Variants in HPF1 observed in about 807,000 individuals in gnomAD.
The protein encoded by HPF1 is UPF0609 protein C4orf27.
HPF1 carries 35 observed loss-of-function variants against 38.8 expected under a neutral mutation model. The ratio of observed to expected loss-of-function variants is 0.90; its 90% CI spans 0.69 to 1.19. The LOEUF (loss-of-function observed/expected upper bound fraction) is 1.19, where lower values mean the gene tolerates loss of function less well. Among genes scored for constraint, HPF1 ranks in the 50% most tolerant of loss-of-function variants. The pLI, the probability that HPF1 is intolerant of heterozygous loss-of-function variation, is 0.00. For missense variants in HPF1, 367 were observed against 405.8 expected (o/e 0.90, Z 0.82); for synonymous variants, 115 against 139.2 (o/e 0.83, Z 1.22).
chr4:169,741,576 G>T (rs1733969271), intron 5 of HPF1, among the ~76,000 whole-genome samples: 1 of 152,138 alleles, frequency 6.6e-6, no homozygotes, highest in African/African-American at 2.4e-5. Context: ...AAAGAAAGGA[G>T]CACTGCTTAT....
chr4:169,750,094 G>T (rs185851760), intron 3 of HPF1, among the ~76,000 whole-genome samples: 11 of 152,194 alleles, frequency 7.2e-5, no homozygotes, highest in African/African-American at 2.6e-4. Context: ...TTCCTATCAG[G>T]TATGTACAGT....
At chr4:169,748,504 G>A (rs1195955932) in intron 4 of HPF1, among the ~76,000 whole-genome samples, 1 of 151,936 alleles carries the variant, frequency 6.6e-6, no homozygotes, top group African/African-American at 2.4e-5. Context: ...CTGAGTAGCT[G>A]GGATTACAGG....
In HPF1 at chr4:169,731,706, G is replaced by A; in HGVS notation, c.907C>T (p.His303Tyr). ...LGMDLFCYGS[H>Y]YFHKVAGQLL... ...AGGTGGAGGGTTTTTTTACTCACAT[G>A]TGAGCCATAGCAAAAGAGATCCATT... The change falls in exon 7 of 8, where the codon CAT becomes TAT. Residue 303 changes from histidine to tyrosine, a missense_variant and splice_region_variant. By Grantham distance (83) the His-to-Tyr change is moderately conservative. Transcript: ENST00000393381. 6.5e-7 allele frequency: 1 copy of A among 1,537,944 alleles called. No homozygotes were observed. The highest frequency in any genetic ancestry group is 8.7e-7 in the Non-Finnish European group (1 of 1,149,192).
intron 2 of HPF1, among the ~76,000 whole-genome samples, chr4:169,751,402 CAA>C (rs55661737): frequency 3.1e-4 from 22 of 71,108 alleles, no homozygotes; most frequent in Admixed American, 5.1e-4. Context: ...GGCTCTGTCT[CAA>C]AAAAAAAAAA....
intron 7 of HPF1, among the ~76,000 whole-genome samples, chr4:169,730,646 A>T (rs4692741): frequency 0.96 from 146,543 of 152,266 alleles, 70,552 homozygotes; most frequent in East Asian, 0.99. Flanking sequence ...ACTGCCAGTG[A>T]GCGTTTGGAC....
intron 5 of HPF1, among the ~76,000 whole-genome samples, chr4:169,739,019 T>C (rs913286534): frequency 6.6e-6 from 1 of 152,032 alleles, no homozygotes; most frequent in Non-Finnish European, 1.5e-5. Flanking sequence ...GGGATAGCAT[T>C]AGGAGATATA....
intron 4 of HPF1, among the ~76,000 whole-genome samples, chr4:169,745,434 G>C (rs113470220): frequency 4.6e-5 from 7 of 152,140 alleles, no homozygotes; most frequent in Admixed American, 1.3e-4. Context: ...CTGGAAATGG[G>C]TGAGCTTTCT....
intron 1 of HPF1, among the ~76,000 whole-genome samples, chr4:169,754,328 C>G (rs535958903): frequency 1.1e-4 from 17 of 152,260 alleles, no homozygotes; most frequent in African/African-American, 3.9e-4. Flanking sequence ...AAACAGATAC[C>G]TCCCTTTTGA....
intron 3 of HPF1, among the ~76,000 whole-genome samples, chr4:169,749,431 T>C (rs1734090225): frequency 6.6e-6 from 1 of 152,174 alleles, no homozygotes; most frequent in Non-Finnish European, 1.5e-5. Context: ...ATAGGATGAT[T>C]ACATTGTAGT....
At chr4:169,744,502 C>T (rs537019121) in intron 4 of HPF1, among the ~76,000 whole-genome samples, 77 of 152,292 alleles carry the variant, frequency 5.1e-4, no homozygotes, top group Non-Finnish European at 7.6e-4. Context: ...GACTTTAAAT[C>T]CATTAGAATG....
chr4:169,742,227 A>T, intron 4 of HPF1, 120 bp from the exon 5 acceptor site: 1 of 763,374 alleles, frequency 1.3e-6, no homozygotes, highest in Non-Finnish European at 2.1e-6. Flanking sequence ...CCACAGAATA[A>T]TTACCAACAC....
chr4:169,750,933 C>T (rs1341835713), intron 2 of HPF1, among the ~76,000 whole-genome samples: 1 of 152,204 alleles, frequency 6.6e-6, no homozygotes, highest in African/African-American at 2.4e-5. Flanking sequence ...AGGATTTCCT[C>T]TTAAATTTAC....
chr4:169,744,578 T>C (rs577684705), intron 4 of HPF1, among the ~76,000 whole-genome samples: 3 of 152,326 alleles, frequency 2.0e-5, no homozygotes, highest in South Asian at 2.1e-4. Context: ...CCTTTGGAAA[T>C]AGTGGTTTAC....
chr4:169,734,000 G>A (rs993445991), intron 6 of HPF1, among the ~76,000 whole-genome samples: 8 of 152,012 alleles, frequency 5.3e-5, no homozygotes, highest in African/African-American at 9.7e-5. Flanking sequence ...CTTGACGACA[G>A]TACAGAATAC....
At chr4:169,740,026 TAAG>T (rs1733950626) in intron 5 of HPF1, among the ~76,000 whole-genome samples, 2 of 152,120 alleles carry the variant, frequency 1.3e-5, no homozygotes, top group Non-Finnish European at 2.9e-5. Context: ...ATTAAGAAAT[TAAG>T]AAGAATAAGA....
intron 5 of HPF1, among the ~76,000 whole-genome samples, chr4:169,739,820 T>TA (rs563893915): frequency 3.9e-5 from 6 of 152,176 alleles, no homozygotes; most frequent in Non-Finnish European, 8.8e-5. Context: ...ATGATAAAGA[T>TA]ACCATATTCA....
chr4:169,733,856 C>T (rs1483540046), intron 6 of HPF1, among the ~76,000 whole-genome samples: 1 of 148,094 alleles, frequency 6.8e-6, no homozygotes, highest in African/African-American at 2.5e-5. Flanking sequence ...GGTCATGCCA[C>T]TGCACTCCAG....
chr4:169,745,544 C>CT (rs953743528), intron 4 of HPF1, among the ~76,000 whole-genome samples: 1 of 151,942 alleles, frequency 6.6e-6, no homozygotes, highest in East Asian at 1.9e-4. Flanking sequence ...CATACAAGGG[C>CT]TTTTTTTTCC....
chr4:169,753,571 C>T lies in HPF1; in HGVS notation c.208+105G>A, dbSNP rs1734146834. On this transcript the variant is annotated intron_variant, in intron 2 of 7. Coordinates refer to ENST00000393381, the MANE Select transcript of HPF1 (RefSeq NM_017867.3). The stretch of plus-strand genomic sequence containing the variant: ...TCTCAAACTCCTGGCCTCAGGCAAT[C>T]CTCCTGCCTCAGCTGGGATTACAGA... The T allele has an allele frequency of 3.2e-6, 3 of 946,856 alleles. No homozygotes were observed. The South Asian group carries it at 4.6e-5, about 15-fold the overall frequency. The allele number at this position is 946,856 out of a possible 1,614,324, so 58.7% of individuals were successfully genotyped here.
Sources: allele counts gnomAD v4.1 joint callset (sites outside exome capture counted in the v4.1 genomes callset), GRCh38; gene constraint gnomAD v4.1.1; transcripts MANE v1.5; gene names NCBI Gene and HGNC (gene_info 2026-07-23, HGNC 2026-07-21).